Variants in PIAS2 observed in about 807,000 individuals in gnomAD.
PIAS2 encodes protein inhibitor of activated STAT 2.
Under a neutral mutation model 69.7 loss-of-function variants are expected in PIAS2, and 19 were observed. The ratio of observed to expected loss-of-function variants is 0.27; its 90% CI spans 0.19 to 0.40. The LOEUF is 0.40. PIAS2 is among the 10% of genes least tolerant of loss of function. The pLI is 1.00. For missense variants in PIAS2, 624 were observed against 757.0 expected, an observed-to-expected ratio of 0.82 and a Z score of 2.06; for synonymous variants, 261 against 263.2, an observed-to-expected ratio of 0.99 and a Z score of 0.08.
At chr18:46,872,513 G>A (rs1408161939) in intron 2 of PIAS2, among the ~76,000 whole-genome samples, 3 of 152,190 alleles carry the variant, frequency 2.0e-5, no homozygotes, top group Non-Finnish European at 4.4e-5. Flanking sequence ...GCTCCAATAC[G>A]TGGATGACCT....
At chr18:46,837,285 C>T (rs538048467) in intron 8 of PIAS2, among the ~76,000 whole-genome samples, 6 of 151,860 alleles carry the variant, frequency 4.0e-5, no homozygotes, top group South Asian at 2.1e-4. Flanking sequence ...TTAAATTCTT[C>T]GGTCTCTGCC....
intron 2 of PIAS2, among the ~76,000 whole-genome samples, chr18:46,869,337 G>A (rs1316593063): frequency 6.6e-6 from 1 of 152,136 alleles, no homozygotes; most frequent in Non-Finnish European, 1.5e-5. Flanking sequence ...AACCTCTAGA[G>A]AAGGGAAGGC....
At chr18:46,839,605 G>A (rs532847354) in intron 8 of PIAS2, among the ~76,000 whole-genome samples, 2 of 151,922 alleles carry the variant, frequency 1.3e-5, no homozygotes, top group South Asian at 2.1e-4. Context: ...GGCCAGGCAC[G>A]GTGGCTCCCA....
Position 46,834,325 on chromosome 18 carries a change from A to C in PIAS2, c.1202+2032T>G, listed in dbSNP as rs112914794. The stretch of plus-strand genomic sequence containing the variant: ...GAATGGAGAACAAAGGTCACAATAA[A>C]TACAAATAAAAGGGAAACTGGGAAA... On this transcript the variant is annotated intron_variant, in intron 9 of 13. Transcript: ENST00000585916. Among the ~76,000 whole-genome samples the C allele has an allele frequency of 3.3e-5, 5 of 152,346 alleles. 1 individual carries two copies. Among genetic ancestry groups the C allele is most frequent in the African/African-American group, 1.2e-4 (5 of 41,588 alleles).
intron 1 of PIAS2, among the ~76,000 whole-genome samples, chr18:46,913,606 T>C (rs1420238740): frequency 1.3e-5 from 2 of 150,784 alleles, no homozygotes; most frequent in Admixed American, 6.6e-5. Context: ...CTCCTCCCCA[T>C]TGAGTGATGA....
chr18:46,803,852 C>T lies in PIAS2; in HGVS notation c.*8581G>A, dbSNP rs976040358. The T allele has an allele frequency of 6.6e-6, 1 of 152,114 alleles. No homozygotes were observed. Among genetic ancestry groups the T allele is most frequent in the Non-Finnish European group, 1.5e-5 (1 of 68,060 alleles). The allele number at this position is 152,114 out of a possible 1,614,324, so 9.4% of individuals were successfully genotyped here. ...GTTGCTTACACTTCCAGGTTTAATACACCTACTCCCATATTATCCCCACTG... is the reference window on the plus strand; with the variant it reads ...GTTGCTTACACTTCCAGGTTTAATATACCTACTCCCATATTATCCCCACTG... On this transcript the variant is annotated 3_prime_UTR_variant, in exon 14 of 14. Coordinates refer to ENST00000585916, the MANE Select transcript of PIAS2 (RefSeq NM_004671.5).
Position 46,812,340 on chromosome 18 carries a change from T to G in PIAS2, c.*93A>C. On this transcript the variant is annotated 3_prime_UTR_variant, in exon 14 of 14. Transcript: ENST00000585916. Reference sequence around the variant, plus strand: ...CTGACTTTCAATAAATACCAAATTATTAAAAAAAAAAAAAAAAGAACGTTT... The same window carrying G: ...CTGACTTTCAATAAATACCAAATTAGTAAAAAAAAAAAAAAAAGAACGTTT... 1 of 726,974 alleles carries G rather than the reference T, an allele frequency of 1.4e-6. No individual in the cohort carries two copies. Among genetic ancestry groups the G allele is most frequent in the Admixed American group, 3.2e-5 (1 of 31,008 alleles). 45.0% of individuals were successfully genotyped at this position (726,974 alleles called of 1,614,324 possible).
At chr18:46,884,670 CT>C (rs1176843607) in intron 2 of PIAS2, among the ~76,000 whole-genome samples, 1 of 152,054 alleles carries the variant, frequency 6.6e-6, no homozygotes, top group Non-Finnish European at 1.5e-5. Flanking sequence ...AATCCCAGCA[CT>C]TTGTGAGGCC....
At chr18:46,823,880 A>G (rs1255369385) in intron 11 of PIAS2, among the ~76,000 whole-genome samples, 1 of 152,236 alleles carries the variant, frequency 6.6e-6, no homozygotes, top group East Asian at 1.9e-4. Context: ...CAGAAACAAA[A>G]TGATTCTAAA....
At chr18:46,839,730 T>C (rs1252853067) in intron 8 of PIAS2, among the ~76,000 whole-genome samples, 1 of 151,786 alleles carries the variant, frequency 6.6e-6, no homozygotes, top group Admixed American at 6.6e-5. Flanking sequence ...CTGGGTGTGG[T>C]GGTGGGCACC....
At position 46,846,708 on chromosome 18, in the gene PIAS2, T is replaced by G; in HGVS notation, c.860A>C (p.Lys287Thr). The change falls in exon 6 of 14, where the codon AAG becomes ACG. Residue 287 changes from lysine (K) to threonine (T), a missense_variant and splice_region_variant. Lys to Thr is a moderately conservative substitution (Grantham distance 78). Coordinates refer to ENST00000585916, the MANE Select transcript of PIAS2 (RefSeq NM_004671.5). ...CTACCCAAAACGGAGAGCTTTTACC[T>G]TCCCAATTTCTGATGCCCAAGAAAT... ...ISISWASEIG[K>T]NYSMSVYLVR... The G allele has an allele frequency of 6.2e-7, 1 of 1,611,716 alleles. No individual in the cohort carries two copies. The highest frequency in any genetic ancestry group is 1.1e-5 in the South Asian group (1 of 90,434).
chr18:46,892,769 C>T (rs2054256538), intron 1 of PIAS2, among the ~76,000 whole-genome samples: 1 of 151,880 alleles, frequency 6.6e-6, no homozygotes, highest in Admixed American at 6.6e-5. Flanking sequence ...AAGACTGTCT[C>T]AAAAATAATA....
chr18:46,914,564 C>T (rs9948405), intron 1 of PIAS2, among the ~76,000 whole-genome samples: 52 of 143,708 alleles, frequency 3.6e-4, no homozygotes, highest in African/African-American at 1.3e-3. Context: ...ACCCTCCCCC[C>T]CCCAACTCCA....
At position 46,810,928 on chromosome 18, in the gene PIAS2, G is replaced by C. The variant is rs561855456; in HGVS notation, c.*1505C>G. 1 of 152,172 alleles carries C rather than the reference G, an allele frequency of 6.6e-6. No homozygotes were observed. The highest frequency in any genetic ancestry group is 2.1e-4 in the South Asian group (1 of 4,820). 9.4% of individuals were successfully genotyped at this position (152,172 alleles called of 1,614,324 possible). On this transcript the variant is annotated 3_prime_UTR_variant, in exon 14 of 14. Coordinates refer to ENST00000585916, the MANE Select transcript of PIAS2 (RefSeq NM_004671.5). ...TTTTAAGGTAGATAAAGCTTAGAGA[G>C]AGAAAGCTAAACAGAAAAGTACCAA...
rs773875912 is a variant in PIAS2, at chr18:46,829,797, A to G, written c.1273T>C (p.Cys425Arg). The change falls in exon 10 of 14, where the codon TGT (cysteine) becomes CGT (arginine). Residue 425 changes from cysteine (C) to arginine (R), a missense_variant. By Grantham distance (180) the Cys-to-Arg change is radical (BLOSUM62 -3). This residue lies in a region of PIAS2 where 241 missense variants were observed against 257.3 expected (regional missense o/e 0.94). Coordinates refer to ENST00000585916, the MANE Select transcript of PIAS2 (RefSeq NM_004671.5). ...EIKFQEDGSW[C>R]PMRPKKEAMK... ...GCTTCTTTCTTCGGTCTCATTGGAC[A>G]CCAAGAACCATCTTCTTGGAATTTG... 1 of 1,612,412 alleles carries G rather than the reference A, an allele frequency of 6.2e-7. No individual in the cohort carries two copies. Among genetic ancestry groups the G allele is most frequent in the East Asian group, 2.2e-5 (1 of 44,846 alleles).
In PIAS2 at chr18:46,811,089, T is replaced by A. The variant is rs2040970039; in HGVS notation, c.*1344A>T. On this transcript the variant is annotated 3_prime_UTR_variant, in exon 14 of 14. Coordinates refer to ENST00000585916, the MANE Select transcript of PIAS2 (RefSeq NM_004671.5). ...AACAAACACACTATAGAAGAGAAAT[T>A]TTCAAAGTGCACCCAATAAAACCTC... 1 of 152,096 alleles carries A rather than the reference T, an allele frequency of 6.6e-6. No homozygotes were observed. The highest frequency in any genetic ancestry group is 1.5e-5 in the Non-Finnish European group (1 of 68,012). The allele number at this position is 152,096 out of a possible 1,614,324, so 9.4% of individuals were successfully genotyped here.
At chr18:46,917,052 G>A (rs1235928071) in intron 1 of PIAS2, 5 of 987,946 alleles carry the variant, frequency 5.1e-6, no homozygotes, top group East Asian at 1.1e-4. Context: ...AGGGCGCCCC[G>A]ACCCCCCGCG....
At chr18:46,827,459 A>T (rs1330662069) in intron 11 of PIAS2, 2 of 152,244 alleles carry the variant, frequency 1.3e-5, no homozygotes, top group Non-Finnish European at 2.9e-5. Context: ...CATGCCTGAC[A>T]CCGAGGCTTT....
At chr18:46,855,997 G>GTTTTTTTTTTTTTTTTTTTTT (rs1171297653) in intron 3 of PIAS2, among the ~76,000 whole-genome samples, 1 of 67,966 alleles carries the variant, frequency 1.5e-5, no homozygotes, top group African/African-American at 6.0e-5. Flanking sequence ...TTTTTCTTTT[G>GTTTTTTTTTTTTTTTTTTTTT]TTTTTTTTTT....
Sources: gnomAD v4.1 joint callset for allele counts (sites outside exome capture counted in the v4.1 genomes callset) on GRCh38, gnomAD v4.1.1 for gene constraint, gnomAD v4.1.1 regional missense constraint, MANE v1.5 for transcripts, NCBI Gene and HGNC (gene_info 2026-07-23, HGNC 2026-07-21) for gene names.